The following CCL14 variants were observed in gnomAD, a reference collection of about 807,000 sequenced individuals.
The protein encoded by CCL14 is C-C motif chemokine ligand 14.
In CCL14, 8 loss-of-function variants were observed where a neutral mutation model predicts 8.2. That is an observed-to-expected ratio of 0.98 (90% CI 0.57 to 1.76). CCL14 has a LOEUF of 1.76. Ranked by LOEUF, CCL14 falls within the 40% of genes most tolerant of loss-of-function variation. CCL14 has a pLI of 0.00. For missense variants in CCL14, 127 were observed against 118.3 expected (o/e 1.07, Z -0.34); for synonymous variants, 50 against 43.2 (o/e 1.16, Z -0.62).
At position 35,984,654 on chromosome 17, in the gene CCL14, A is replaced by C. The variant is rs1598736250; in HGVS notation, c.80-202T>G. 3 of 595,750 alleles carry C rather than the reference A, an allele frequency of 5.0e-6. No individual in the cohort carries two copies. In the South Asian group the frequency reaches 6.2e-5, roughly 12 times the overall value. 36.9% of individuals were successfully genotyped at this position (595,750 alleles called of 1,614,324 possible). On this transcript the variant is annotated intron_variant, in intron 1 of 2. Coordinates refer to ENST00000618404, the MANE Select transcript of CCL14 (RefSeq NM_032963.4). ...GCTCTTCTTTTTCTCCTCCCTCATCATCAATCACCCTTCCTCCTTTTCTTC... is the reference window on the plus strand; with the variant it reads ...GCTCTTCTTTTTCTCCTCCCTCATCCTCAATCACCCTTCCTCCTTTTCTTC...
At chr17:35,984,730 G>A (rs1317825128) in intron 1 of CCL14, 3 of 551,614 alleles carry the variant, frequency 5.4e-6, no homozygotes, top group African/African-American at 3.8e-5. Context: ...GGATTGAAGA[G>A]CAGCACACTC....
intron 1 of CCL14, chr17:35,985,987 C>T (rs1035305304): frequency 3.5e-6 from 2 of 577,636 alleles, no homozygotes; most frequent in South Asian, 2.3e-5. Context: ...AGGCTGGGCC[C>T]AAACCTCAGG....
Position 35,983,610 on chromosome 17 carries a change from A to G in CCL14, c.*191T>C. 1.8e-6 allele frequency: 1 copy of G among 549,128 alleles called. No homozygotes were observed. Among genetic ancestry groups the G allele is most frequent in the Admixed American group, 3.0e-5 (1 of 33,130 alleles). The allele number at this position is 549,128 out of a possible 1,614,324, so 34.0% of individuals were successfully genotyped here. A position where few individuals can be genotyped will look rare whatever the true frequency, so the allele number is the denominator to read the frequency against. On this transcript the variant is annotated 3_prime_UTR_variant, in exon 3 of 3. Transcript: ENST00000618404. Reference sequence around the variant, plus strand: ...GAGGGTGCCACACCCTGGTGTCCTCAGTGCATGGCCAATGAGTAAATCCCG... The same window carrying G: ...GAGGGTGCCACACCCTGGTGTCCTCGGTGCATGGCCAATGAGTAAATCCCG...
chr17:35,984,243 G>A lies in CCL14; in HGVS notation c.194+95C>T, dbSNP rs561575067. 3 of 916,190 alleles carry A rather than the reference G, an allele frequency of 3.3e-6. No individual in the cohort carries two copies. The Admixed American group carries it at 5.5e-5, about 17-fold the overall frequency. The allele number at this position is 916,190 out of a possible 1,614,324, so 56.8% of individuals were successfully genotyped here. A position where few individuals can be genotyped will look rare whatever the true frequency, so the allele number is the denominator to read the frequency against. On this transcript the variant is annotated intron_variant, in intron 2 of 2. Transcript: ENST00000618404. ...CCATGTAGTCACACCTGGGAGGTAC[G>A]CTGGGGGTCCCCATTCCACCACCAC... is the stretch of plus-strand genomic sequence containing the variant.
intron 1 of CCL14, chr17:35,985,285 TA>T (rs2089746310): frequency 6.1e-6 from 1 of 163,484 alleles, no homozygotes; most frequent in Non-Finnish European, 1.3e-5. Context: ...TTTTGTGGTC[TA>T]AAAAGTTTTA....
chr17:35,985,851 A>C, intron 1 of CCL14: 1 of 1,383,696 alleles, frequency 7.2e-7, no homozygotes, highest in Non-Finnish European at 1.0e-6. Context: ...GTTATCTCTA[A>C]AGGCAGCTTA....
At position 35,983,756 on chromosome 17, in the gene CCL14, T is replaced by C; in HGVS notation, c.*45A>G. ...TGGAGGAGGGGGCCTTGGCATCTTC[T>C]CTTTATGTCTCTGAGCTGTGCCTTC... On this transcript the variant is annotated 3_prime_UTR_variant, in exon 3 of 3. Coordinates refer to ENST00000618404, the MANE Select transcript of CCL14 (RefSeq NM_032963.4). 1 of 1,398,172 alleles carries C rather than the reference T, an allele frequency of 7.2e-7. No homozygotes were observed. The highest frequency in any genetic ancestry group is 1.2e-5 in the South Asian group (1 of 86,732). 86.6% of individuals were successfully genotyped at this position (1,398,172 alleles called of 1,614,324 possible).
intron 2 of CCL14, 59 bp from the exon 3 acceptor site, chr17:35,983,947 G>A: frequency 1.6e-6 from 2 of 1,248,792 alleles, no homozygotes; most frequent in African/African-American, 1.5e-5. Flanking sequence ...GGAAGAGACA[G>A]CCCATCTTCC....
intron 1 of CCL14, 34 bp from the exon 2 acceptor site, chr17:35,984,486 C>T (rs2089728830): frequency 1.4e-6 from 2 of 1,480,190 alleles, no homozygotes; most frequent in African/African-American, 1.4e-5. Flanking sequence ...GAGGAGGGGC[C>T]CCTTGTTAAA....
chr17:35,984,314 G>T, intron 2 of CCL14, 24 bp downstream of exon 2: 3 of 1,524,532 alleles, frequency 2.0e-6, no homozygotes, highest in Non-Finnish European at 2.7e-6. Context: ...TCTCCCCCCA[G>T]TGTGATGTGT....
At chr17:35,985,621 A>G (rs919583187) in intron 1 of CCL14, 8 of 752,264 alleles carry the variant, frequency 1.1e-5, no homozygotes, top group African/African-American at 3.5e-5. Context: ...CAGCATCCTC[A>G]CGATCCAAAG....
chr17:35,986,331 C>A, intron 1 of CCL14: 1 of 516,986 alleles, frequency 1.9e-6, no homozygotes, highest in Non-Finnish European at 3.4e-6. Flanking sequence ...AACTTAAACT[C>A]TTAAGCAGAA....
rs758625087 is a variant in CCL14, at chr17:35,983,859, C to T, written c.224G>A (p.Cys75Tyr). The T allele has an allele frequency of 6.2e-7, 1 of 1,614,052 alleles. No individual in the cohort carries two copies. The highest frequency in any genetic ancestry group is 8.5e-7 in the Non-Finnish European group (1 of 1,179,930). ...GACCCACTTGTCACTGGGGTTGGTA[C>T]AGACGGAATGGCCCCTTTTGGTGAT... is the stretch of plus-strand genomic sequence containing the variant. ...VFITKRGHSVCTNPSDKWVQD... is the reference protein window; with the variant it reads ...VFITKRGHSVYTNPSDKWVQD... Residue 75 changes from cysteine to tyrosine, a missense_variant, in exon 3 of 3, where the codon TGT (cysteine) becomes TAT (tyrosine). Coordinates refer to ENST00000618404, the MANE Select transcript of CCL14 (RefSeq NM_032963.4).
At chr17:35,985,893 A>T (rs1598737465) in intron 1 of CCL14, 1 of 959,692 alleles carries the variant, frequency 1.0e-6, no homozygotes, top group East Asian at 2.6e-5. Flanking sequence ...AAGGGGGCCT[A>T]GGATGGACCC....
rs753086467 is a variant in CCL14 at position 35,984,352 on chromosome 17, G to A, written c.180C>T (p.Ser60=). ...GTACCACCTACACAATTCCGGGCTT[G>A]GAGCACTGGCTGTTGGTCTCATAGT... ...MDYYETNSQC[S]KPGIVFITKR... Residue 60 remains serine, a synonymous_variant, in exon 2 of 3, where the codon TCC becomes TCT. Coordinates refer to ENST00000618404, the MANE Select transcript of CCL14 (RefSeq NM_032963.4). 6 of 1,612,494 alleles carry A rather than the reference G, an allele frequency of 3.7e-6. No individual in the cohort carries two copies. The highest frequency in any genetic ancestry group is 1.1e-5 in the South Asian group (1 of 91,030).
chr17:35,985,888 G>A (rs2089759386), intron 1 of CCL14: 4 of 1,013,188 alleles, frequency 3.9e-6, no homozygotes, highest in Non-Finnish European at 6.0e-6. Context: ...GAGAAAAGGG[G>A]GCCTAGGATG....
chr17:35,986,023 G>T, intron 1 of CCL14: 1 of 562,994 alleles, frequency 1.8e-6, no homozygotes, highest in Non-Finnish European at 3.1e-6. Flanking sequence ...TGCCCTTGAG[G>T]GGCTCAAGAC....
chr17:35,985,491 T>C, intron 1 of CCL14: 4 of 535,884 alleles, frequency 7.5e-6, no homozygotes, highest in South Asian at 5.7e-5. Flanking sequence ...GGTGTGTGCA[T>C]GTTATGTGAC....
At position 35,983,741 on chromosome 17, in the gene CCL14, G is replaced by T; in HGVS notation, c.*60C>A. ...AGAGTTAGCGGTGGGTGGAGGAGGG[G>T]GCCTTGGCATCTTCTCTTTATGTCT... On this transcript the variant is annotated 3_prime_UTR_variant, in exon 3 of 3. Coordinates refer to ENST00000618404, the MANE Select transcript of CCL14 (RefSeq NM_032963.4). The T allele has an allele frequency of 8.5e-7, 1 of 1,181,014 alleles. No individual in the cohort carries two copies. The highest frequency in any genetic ancestry group is 1.3e-6 in the Non-Finnish European group (1 of 785,346). 73.2% of individuals were successfully genotyped at this position (1,181,014 alleles called of 1,614,324 possible).
Sources: allele counts gnomAD v4.1 joint callset, GRCh38; gene constraint gnomAD v4.1.1; transcripts MANE v1.5; gene names NCBI Gene and HGNC (gene_info 2026-07-23, HGNC 2026-07-21).